SYCP1: variants seen among roughly 807,000 people sequenced by gnomAD.
SYCP1 encodes synaptonemal complex protein 1.
Under a neutral mutation model 153.1 loss-of-function variants are expected in SYCP1, and 64 were observed. That is an observed-to-expected ratio of 0.42 (90% confidence interval 0.34 to 0.51). SYCP1 has a LOEUF of 0.51. Ranked by LOEUF, SYCP1 falls within the 20% of genes least tolerant of loss-of-function variation. The pLI is 0.06. For synonymous variants in SYCP1, 384 were observed against 341.8 expected, an observed-to-expected ratio of 1.12 and a Z score of -1.36; for missense variants, 997 against 1,049.0, an observed-to-expected ratio of 0.95 and a Z score of 0.68.
Position 114,993,657 on chromosome 1 carries a change from A to G in SYCP1, c.2704-1041A>G, listed in dbSNP as rs188661490. Among the ~76,000 whole-genome samples the G allele has an allele frequency of 4.0e-3, 603 of 151,640 alleles. 6 individuals carry two copies. Among genetic ancestry groups the G allele is most frequent in the Middle Eastern group, 0.027 (8 of 294 alleles). On this transcript the variant is annotated intron_variant, in intron 30 of 31. Transcript: ENST00000369522. ...AGAAAGTACTAAATAAGTGTTAGCT[A>G]TCATTATTTGGGAGAATTACAATAA...
At chr1:114,987,123 A>G (rs1367374806) in intron 30 of SYCP1, among the ~76,000 whole-genome samples, 1 of 151,690 alleles carries the variant, frequency 6.6e-6, no homozygotes, top group Non-Finnish European at 1.5e-5. Flanking sequence ...CCCTTTGGGA[A>G]GCCAGGCATT....
At chr1:114,967,217 C>T (rs984018823) in intron 27 of SYCP1, among the ~76,000 whole-genome samples, 3 of 152,092 alleles carry the variant, frequency 2.0e-5, no homozygotes, top group Non-Finnish European at 4.4e-5. Flanking sequence ...GAGTTCAAGT[C>T]GTGAATATCC....
intron 16 of SYCP1, among the ~76,000 whole-genome samples, chr1:114,903,967 A>C (rs541607012): frequency 1.6e-4 from 25 of 152,276 alleles, no homozygotes; most frequent in African/African-American, 5.8e-4. Flanking sequence ...ATTTGCCAAT[A>C]TTGCAGTGTC....
chr1:114,929,792 A>T (rs1428347289), intron 23 of SYCP1, among the ~76,000 whole-genome samples: 1 of 152,124 alleles, frequency 6.6e-6, no homozygotes, highest in Admixed American at 6.5e-5. Context: ...AACTGATAGA[A>T]CAACTATTAA....
chr1:114,970,128 C>A (rs1305295126), intron 27 of SYCP1, among the ~76,000 whole-genome samples: 1 of 152,134 alleles, frequency 6.6e-6, no homozygotes. Flanking sequence ...TTTTCTTTGT[C>A]TTTGTTGGAT....
intron 15 of SYCP1, among the ~76,000 whole-genome samples, chr1:114,888,673 T>C (rs1666480334): frequency 6.6e-6 from 1 of 152,086 alleles, no homozygotes; most frequent in Non-Finnish European, 1.5e-5. Flanking sequence ...TAAAATAGTG[T>C]TTTAAATCAT....
At position 114,857,260 on chromosome 1, in the gene SYCP1, G is replaced by T. The variant is rs1031233654; in HGVS notation, c.222G>T (p.Leu74Phe). 3.1e-6 allele frequency: 5 copies of T among 1,599,546 alleles called. No individual in the cohort carries two copies. In the African/African-American group the frequency reaches 6.7e-5, roughly 22 times the overall value. Reference protein sequence around the residue: ...SDPALQKVNFLPVLEQVGNSD... With the variant: ...SDPALQKVNFFPVLEQVGNSD... Reference sequence around the variant, plus strand: ...CTGCTTTACAAAAAGTTAATTTCTTGCCCGTGCTTGAGCAGGTCAGTTAAG... The same window carrying T: ...CTGCTTTACAAAAAGTTAATTTCTTTCCCGTGCTTGAGCAGGTCAGTTAAG... The change falls in exon 4 of 32, where the codon TTG becomes TTT. Residue 74 changes from leucine (L) to phenylalanine (F), a missense_variant. By Grantham distance (22) the Leu-to-Phe change is conservative (BLOSUM62 0). Coordinates refer to ENST00000369522, the MANE Select transcript of SYCP1 (RefSeq NM_003176.4).
At chr1:114,975,900 G>A (rs920336342) in intron 27 of SYCP1, among the ~76,000 whole-genome samples, 3 of 151,744 alleles carry the variant, frequency 2.0e-5, no homozygotes, top group African/African-American at 7.2e-5. Context: ...CAAACATGGG[G>A]ATTATTCCTT....
Position 114,949,442 on chromosome 1 carries a change from A to T in SYCP1, c.2322+2122A>T, listed in dbSNP as rs754133637. On this transcript the variant is annotated intron_variant, in intron 27 of 31. Transcript: ENST00000369522. ...ACTTTTAGTAACCTTGGGAGACATT[A>T]CTTCAAGGAGATAAACAATTAGTTT... 5.9e-5 allele frequency among the ~76,000 whole-genome samples: 9 copies of T among 152,188 alleles called. No homozygotes were observed. The East Asian group carries it at 1.5e-3, about 26-fold the overall frequency.
In SYCP1 at chr1:114,944,940, A is replaced by G. The variant is rs145248971; in HGVS notation, c.2112A>G (p.Gln704=). 4.0e-4 allele frequency: 646 copies of G among 1,603,876 alleles called. No homozygotes were observed. The highest frequency in any genetic ancestry group is 5.3e-4 in the Non-Finnish European group (622 of 1,176,150). Residue 704 remains glutamine, a synonymous_variant, in exon 25 of 32, where the codon CAA becomes CAG. Coordinates refer to ENST00000369522, the MANE Select transcript of SYCP1 (RefSeq NM_003176.4). ...KLQKEIDKRC[Q]HKIAEMVALM... ...AGAAAGAAATTGATAAGCGATGTCAACATAAAATAGCTGAAATGGTAGCAC... is the reference window on the plus strand; with the variant it reads ...AGAAAGAAATTGATAAGCGATGTCAGCATAAAATAGCTGAAATGGTAGCAC...
At chr1:114,918,299 C>A (rs192392005) in intron 20 of SYCP1, among the ~76,000 whole-genome samples, 106 of 152,114 alleles carry the variant, frequency 7.0e-4, no homozygotes, top group Admixed American at 2.4e-3. Flanking sequence ...GAGTTCACTG[C>A]AGATGAATGG....
chr1:114,908,224 G>A (rs1454374700), intron 16 of SYCP1, among the ~76,000 whole-genome samples: 1 of 141,652 alleles, frequency 7.1e-6, no homozygotes, highest in African/African-American at 2.6e-5. Flanking sequence ...TGACAGTTTT[G>A]TTTCTTTCAG....
rs12092599 is a variant in SYCP1 at position 114,908,007 on chromosome 1, A to G, written c.1321-2390A>G. Among the ~76,000 whole-genome samples, 1,279 of 152,192 alleles carry G rather than the reference A, an allele frequency of 8.4e-3. 20 individuals are homozygous for G. Among genetic ancestry groups the G allele is most frequent in the African/African-American group, 0.029 (1,214 of 41,530 alleles). On this transcript the variant is annotated intron_variant, in intron 16 of 31. Coordinates refer to ENST00000369522, the MANE Select transcript of SYCP1 (RefSeq NM_003176.4). ...ATCTTTTATATTTATTGCAATATTT[A>G]CCAGTTGTGATATTCTTTATTTTTT...
At chr1:114,857,109 C>T in intron 3 of SYCP1, 123 bp from the exon 4 acceptor site, 1 of 684,840 alleles carries the variant, frequency 1.5e-6, no homozygotes. Context: ...CTAGTCTAGG[C>T]AATAGTGCCA....
At chr1:114,926,654 C>G in intron 23 of SYCP1, 91 bp downstream of exon 23, 3 of 1,042,408 alleles carry the variant, frequency 2.9e-6, no homozygotes, top group Non-Finnish European at 4.1e-6. Flanking sequence ...AGTATAAATT[C>G]AATTTATACC....
intron 23 of SYCP1, among the ~76,000 whole-genome samples, chr1:114,943,232 C>G (rs970143686): frequency 4.6e-5 from 7 of 151,854 alleles, no homozygotes; most frequent in Admixed American, 4.6e-4. Context: ...TATGACCCGG[C>G]AATTCCAATC....
rs142804894 is a variant in SYCP1 at position 114,928,206 on chromosome 1, A to G, written c.1926+1643A>G. Among the ~76,000 whole-genome samples, 158 of 152,308 alleles carry G rather than the reference A, an allele frequency of 1.0e-3. 2 individuals are homozygous for G. Among genetic ancestry groups the G allele is most frequent in the African/African-American group, 3.7e-3 (153 of 41,572 alleles). ...CAGATCCATGGCCCTCAGCAAATCCAAAGCAAGATAGGCACAAAACCATAT... is the reference window on the plus strand; with the variant it reads ...CAGATCCATGGCCCTCAGCAAATCCGAAGCAAGATAGGCACAAAACCATAT... On this transcript the variant is annotated intron_variant, in intron 23 of 31. Transcript: ENST00000369522.
chr1:114,877,799 T>C (rs1336116879), intron 11 of SYCP1, among the ~76,000 whole-genome samples: 1 of 152,224 alleles, frequency 6.6e-6, no homozygotes, highest in Non-Finnish European at 1.5e-5. Flanking sequence ...GACTGAATCT[T>C]ACCATTATGT....
chr1:114,960,209 C>T (rs1236399932), intron 27 of SYCP1, among the ~76,000 whole-genome samples: 1 of 144,692 alleles, frequency 6.9e-6, no homozygotes, highest in African/African-American at 2.6e-5. Context: ...GCTCTGTTGC[C>T]CATGCTGGAG....
Sources: allele counts gnomAD v4.1 joint callset (sites outside exome capture counted in the v4.1 genomes callset), GRCh38; gene constraint gnomAD v4.1.1; transcripts MANE v1.5; gene names NCBI Gene and HGNC (gene_info 2026-07-23, HGNC 2026-07-21).